SEMA5A: variants seen among roughly 807,000 people sequenced by gnomAD.
SEMA5A encodes the protein semaphorin-5A.
Under a neutral mutation model 135.5 loss-of-function variants are expected in SEMA5A, and 55 were observed. That is an observed-to-expected ratio of 0.41 (90% CI 0.33 to 0.51). The LOEUF is 0.51. SEMA5A is among the 20% of genes least tolerant of loss of function. The pLI is 0.37. For synonymous variants in SEMA5A, 580 were observed against 546.5 expected (o/e 1.06, Z -0.85); for missense variants, 1,290 against 1,419.9 (o/e 0.91, Z 1.47).
At chr5:9,105,223 G>A (rs1224530026) in intron 16 of SEMA5A, among the ~76,000 whole-genome samples, 1 of 152,156 alleles carries the variant, frequency 6.6e-6, no homozygotes, top group Non-Finnish European at 1.5e-5. Flanking sequence ...AATAGCTCTT[G>A]GCAAGGGTCC....
intron 18 of SEMA5A, 143 bp from the exon 19 acceptor site, chr5:9,054,400 G>T: frequency 1.0e-6 from 1 of 992,048 alleles, no homozygotes; most frequent in Non-Finnish European, 1.4e-6. Flanking sequence ...CAGTGCATAG[G>T]CACACGTAGC....
chr5:9,352,228 G>C (rs981690853), intron 3 of SEMA5A, among the ~76,000 whole-genome samples: 2 of 152,044 alleles, frequency 1.3e-5, no homozygotes, highest in Non-Finnish European at 2.9e-5. Flanking sequence ...CATGTCATCT[G>C]TATTCTTCCT....
intron 10 of SEMA5A, among the ~76,000 whole-genome samples, chr5:9,190,724 A>G (rs1467892755): frequency 6.6e-6 from 1 of 152,204 alleles, no homozygotes; most frequent in African/African-American, 2.4e-5. Flanking sequence ...TTAAAAAAAA[A>G]TTAAAGTGGG....
At chr5:9,288,961 G>A (rs1750934633) in intron 5 of SEMA5A, among the ~76,000 whole-genome samples, 3 of 152,150 alleles carry the variant, frequency 2.0e-5, no homozygotes, top group African/African-American at 4.8e-5. Flanking sequence ...TAAATTAAAT[G>A]CTTCTTTTGT....
At chr5:9,097,503 C>T (rs1739384898) in intron 16 of SEMA5A, among the ~76,000 whole-genome samples, 1 of 152,184 alleles carries the variant, frequency 6.6e-6, no homozygotes, top group African/African-American at 2.4e-5. Context: ...TTGTTCAATT[C>T]TCTACTTACT....
intron 8 of SEMA5A, among the ~76,000 whole-genome samples, chr5:9,209,497 T>A (rs1561024200): frequency 1.3e-5 from 2 of 152,228 alleles, no homozygotes; most frequent in African/African-American, 4.8e-5. Flanking sequence ...TTAATTTAAA[T>A]TTTAAAATCT....
At chr5:9,431,057 TG>T (rs1371181397) in intron 2 of SEMA5A, among the ~76,000 whole-genome samples, 1 of 152,146 alleles carries the variant, frequency 6.6e-6, no homozygotes, top group Non-Finnish European at 1.5e-5. Context: ...GGATACAGTT[TG>T]GCCAAACTAG....
At chr5:9,256,944 T>C (rs954209895) in intron 5 of SEMA5A, among the ~76,000 whole-genome samples, 1 of 152,232 alleles carries the variant, frequency 6.6e-6, no homozygotes, top group African/African-American at 2.4e-5. Context: ...CATATCTATG[T>C]GATGTGAATA....
intron 3 of SEMA5A, among the ~76,000 whole-genome samples, chr5:9,345,813 A>G (rs1753839303): frequency 6.6e-6 from 1 of 152,198 alleles, no homozygotes; most frequent in Non-Finnish European, 1.5e-5. Flanking sequence ...TACACAATAC[A>G]TATACTGTAT....
At chr5:9,186,695 T>C (rs574955462) in intron 11 of SEMA5A, among the ~76,000 whole-genome samples, 20 of 152,328 alleles carry the variant, frequency 1.3e-4, no homozygotes, top group South Asian at 8.3e-4. Context: ...TTTTTAATTG[T>C]TTTAATTGAA....
chr5:9,122,015 G>A (rs1287214799), intron 14 of SEMA5A, among the ~76,000 whole-genome samples: 1 of 152,132 alleles, frequency 6.6e-6, no homozygotes, highest in Non-Finnish European at 1.5e-5. Flanking sequence ...GAAGCATAAA[G>A]ACTGATCTCA....
chr5:9,513,196 C>T (rs1309314495), intron 1 of SEMA5A, among the ~76,000 whole-genome samples: 1 of 151,388 alleles, frequency 6.6e-6, no homozygotes, highest in Admixed American at 6.6e-5. Context: ...AAAAGAATCA[C>T]ACAATCACAT....
At chr5:9,294,641 A>G (rs760309787) in intron 5 of SEMA5A, among the ~76,000 whole-genome samples, 2 of 152,146 alleles carry the variant, frequency 1.3e-5, no homozygotes, top group African/African-American at 2.4e-5. Flanking sequence ...CAAACACAAC[A>G]TATGTCATCT....
chr5:9,345,868 T>C (rs776689094), intron 3 of SEMA5A, among the ~76,000 whole-genome samples: 8 of 152,310 alleles, frequency 5.3e-5, no homozygotes, highest in Non-Finnish European at 1.0e-4. Flanking sequence ...ATGCAGTGTA[T>C]ATGTATACAC....
chr5:9,495,750 G>T (rs1249372026), intron 1 of SEMA5A, among the ~76,000 whole-genome samples: 1 of 152,228 alleles, frequency 6.6e-6, no homozygotes, highest in Non-Finnish European at 1.5e-5. Flanking sequence ...AAAGTAGACA[G>T]TAATGGGTAA....
intron 3 of SEMA5A, among the ~76,000 whole-genome samples, chr5:9,344,990 A>C (rs1263070668): frequency 6.6e-6 from 1 of 152,052 alleles, no homozygotes; most frequent in Non-Finnish European, 1.5e-5. Flanking sequence ...TTGCTGGTCT[A>C]TTTTCTTCCC....
At chr5:9,525,211 C>T (rs77267477) in intron 1 of SEMA5A, among the ~76,000 whole-genome samples, 4,561 of 152,254 alleles carry the variant, frequency 0.03, 202 homozygotes, top group African/African-American at 0.1. Context: ...GTTGTTTTCA[C>T]GCTACAACAG....
chr5:9,091,285 T>C (rs935822923), intron 16 of SEMA5A, among the ~76,000 whole-genome samples: 7 of 152,208 alleles, frequency 4.6e-5, no homozygotes, highest in Non-Finnish European at 4.4e-5. Flanking sequence ...TGTCAGAATT[T>C]TAAAAATCAA....
chr5:9,324,791 A>G (rs1282363643), intron 4 of SEMA5A, among the ~76,000 whole-genome samples: 2 of 152,250 alleles, frequency 1.3e-5, no homozygotes, highest in African/African-American at 2.4e-5. Context: ...CAATTGTGTG[A>G]GCACAGAGGA....
Sources: gnomAD v4.1 joint callset for allele counts (sites outside exome capture counted in the v4.1 genomes callset) on GRCh38, gnomAD v4.1.1 for gene constraint, MANE v1.5 for transcripts, NCBI Gene and HGNC (gene_info 2026-07-23, HGNC 2026-07-21) for gene names.